DCUN1D4: variants seen among roughly 807,000 people sequenced by gnomAD.
The protein encoded by DCUN1D4 is defective in cullin neddylation 1 domain containing 4.
DCUN1D4 carries 22 observed loss-of-function variants against 47.9 expected under a neutral mutation model. The ratio of observed to expected loss-of-function variants is 0.46; its 90% CI spans 0.33 to 0.66. The LOEUF (loss-of-function observed/expected upper bound fraction) is 0.66, where lower values mean the gene tolerates loss of function less well. Ranked by LOEUF, DCUN1D4 falls within the 30% of genes least tolerant of loss-of-function variation. The probability of loss-of-function intolerance (pLI) is 0.02; values close to 1 mark genes in which losing one functional copy is unlikely to be tolerated. For synonymous variants in DCUN1D4, 121 were observed against 112.2 expected (o/e 1.08, Z -0.50); for missense variants, 301 against 340.8 (o/e 0.88, Z 0.92).
intron 6 of DCUN1D4, among the ~76,000 whole-genome samples, chr4:51,890,092 C>A (rs912738970): frequency 1.3e-5 from 2 of 152,058 alleles, no homozygotes; most frequent in Non-Finnish European, 2.9e-5. Flanking sequence ...CTTAACTCCC[C>A]TGCATGTAAA....
Position 51,870,891 on chromosome 4 carries a change from C to A in DCUN1D4, c.137-3380C>A, listed in dbSNP as rs76255204. Among the ~76,000 whole-genome samples, 431 of 150,982 alleles carry A rather than the reference C, an allele frequency of 2.9e-3. 2 individuals are homozygous for A. The highest frequency in any genetic ancestry group is 0.01 in the African/African-American group (419 of 41,186). ...TTAAAAAGTTGTTTTTTTTTTGTAG[C>A]CTGAATGGGTTCCAGGGTGGCTCTG... On this transcript the variant is annotated intron_variant, in intron 3 of 10. Coordinates refer to ENST00000334635, the MANE Select transcript of DCUN1D4 (RefSeq NM_001040402.3).
intron 5 of DCUN1D4, among the ~76,000 whole-genome samples, chr4:51,878,779 C>G (rs1364863680): frequency 6.6e-6 from 1 of 152,194 alleles, no homozygotes; most frequent in African/African-American, 2.4e-5. Flanking sequence ...ACCTTAGTAG[C>G]CTTTTCTGTA....
intron 9 of DCUN1D4, among the ~76,000 whole-genome samples, chr4:51,912,704 G>A (rs1429955610): frequency 2.0e-5 from 3 of 152,134 alleles, no homozygotes; most frequent in Non-Finnish European, 4.4e-5. Flanking sequence ...GATCAGATTC[G>A]AGTTTTGAAT....
chr4:51,896,214 A>G (rs1731238354), intron 7 of DCUN1D4, among the ~76,000 whole-genome samples: 2 of 152,244 alleles, frequency 1.3e-5, no homozygotes, highest in Admixed American at 6.5e-5. Flanking sequence ...CCTGCATTTC[A>G]GACAGGATCT....
intron 1 of DCUN1D4, among the ~76,000 whole-genome samples, chr4:51,848,606 T>C (rs989027368): frequency 6.6e-6 from 1 of 152,248 alleles, no homozygotes; most frequent in Non-Finnish European, 1.5e-5. Context: ...TTTTTTCTTT[T>C]GAAATTTACA....
At chr4:51,910,577 C>A (rs1028188811) in intron 8 of DCUN1D4, among the ~76,000 whole-genome samples, 1 of 152,084 alleles carries the variant, frequency 6.6e-6, no homozygotes, top group African/African-American at 2.4e-5. Context: ...TCAATTCCAG[C>A]ATGTTTAGGT....
At chr4:51,840,287 A>C (rs1312448858), upstream of DCUN1D4, among the ~76,000 whole-genome samples, 5 of 152,226 alleles carry the variant, frequency 3.3e-5, no homozygotes, top group African/African-American at 9.6e-5. Flanking sequence ...GTATTGATTT[A>C]CATATTGAAA....
chr4:51,856,442 T>G (rs1245044303), intron 1 of DCUN1D4, among the ~76,000 whole-genome samples: 1 of 152,232 alleles, frequency 6.6e-6, no homozygotes, highest in Non-Finnish European at 1.5e-5. Context: ...TTGTTTTAGA[T>G]TCAGCCAGTT....
the DCUN1D4 span, among the ~76,000 whole-genome samples, chr4:51,834,061 TCTCTCTCTCTCTCTCTCTCTCTC>T: frequency 2.0e-4 from 28 of 140,344 alleles, no homozygotes; most frequent in Non-Finnish European, 2.1e-4. Context: ...TCTCTCTCTC[TCTCTCTCTCTCTCTCTCTCTCTC>T]TCTTTTCTTT....
chr4:51,863,539 A>G, intron 2 of DCUN1D4, 32 bp downstream of exon 2: 1 of 1,590,706 alleles, frequency 6.3e-7, no homozygotes, highest in Non-Finnish European at 8.6e-7. Flanking sequence ...AAAATTACCA[A>G]CTGTTTGAAG....
intron 1 of DCUN1D4, chr4:51,860,589 T>C (rs531562559): frequency 9.7e-5 from 44 of 455,022 alleles, no homozygotes; most frequent in South Asian, 6.8e-4. Context: ...TTCTAGAGAG[T>C]CTTACAATCG....
intron 8 of DCUN1D4, among the ~76,000 whole-genome samples, chr4:51,902,294 A>G (rs1251630080): frequency 6.6e-6 from 1 of 152,204 alleles, no homozygotes; most frequent in African/African-American, 2.4e-5. Flanking sequence ...AAGTTAGCTG[A>G]TAGTGTCTTT....
In DCUN1D4 at chr4:51,914,387, C is replaced by T. The variant is rs926356467; in HGVS notation, c.*803C>T. ...TCTCTTTTTTTCCTTTTGCATTCTT[C>T]TAGCCAGTGATTGATCTGCTAATGC... On this transcript the variant is annotated 3_prime_UTR_variant, in exon 11 of 11. Transcript: ENST00000334635. The T allele has an allele frequency of 6.6e-6, 1 of 152,174 alleles. No individual in the cohort carries two copies. The highest frequency in any genetic ancestry group is 2.4e-5 in the African/African-American group (1 of 41,412). The allele number at this position is 152,174 out of a possible 1,614,324, so 9.4% of individuals were successfully genotyped here.
At chr4:51,834,091 C>CTTTTTTTTTTT in the DCUN1D4 span, among the ~76,000 whole-genome samples, 1 of 49,526 alleles carries the variant, frequency 2.0e-5, no homozygotes. Context: ...TCTCTCTTTT[C>CTTTTTTTTTTT]TTTTCTTCTT....
intron 3 of DCUN1D4, among the ~76,000 whole-genome samples, chr4:51,873,389 G>A (rs1727202374): frequency 6.6e-6 from 1 of 152,170 alleles, no homozygotes; most frequent in African/African-American, 2.4e-5. Flanking sequence ...ACCAAGGTGG[G>A]GTATTTTAAT....
At chr4:51,842,736 T>G (rs1721798012), upstream of DCUN1D4, among the ~76,000 whole-genome samples, 1 of 152,090 alleles carries the variant, frequency 6.6e-6, no homozygotes, top group Non-Finnish European at 1.5e-5. Flanking sequence ...TGCGCTGCGC[T>G]GCTCTATTCT....
Position 51,913,732 on chromosome 4 carries a change from C to G in DCUN1D4, c.*148C>G. 1 of 688,764 alleles carries G rather than the reference C, an allele frequency of 1.5e-6. No homozygotes were observed. The highest frequency in any genetic ancestry group is 2.1e-5 in the South Asian group (1 of 48,684). The allele number at this position is 688,764 out of a possible 1,614,324, so 42.7% of individuals were successfully genotyped here. ...ATGTTGGTGTTTGCTATTGAATTGGCCAGCTCTGCTTGCTGTGTGGCATTG... is the reference window on the plus strand; with the variant it reads ...ATGTTGGTGTTTGCTATTGAATTGGGCAGCTCTGCTTGCTGTGTGGCATTG... On this transcript the variant is annotated 3_prime_UTR_variant, in exon 11 of 11. Coordinates refer to ENST00000334635, the MANE Select transcript of DCUN1D4 (RefSeq NM_001040402.3).
chr4:51,853,728 G>A (rs889291990), intron 1 of DCUN1D4, among the ~76,000 whole-genome samples: 1 of 152,226 alleles, frequency 6.6e-6, no homozygotes, highest in Non-Finnish European at 1.5e-5. Context: ...CTTCTTAGGT[G>A]ATTCCACTGT....
chr4:51,889,735 G>A (rs918981933), intron 6 of DCUN1D4, among the ~76,000 whole-genome samples: 4 of 152,270 alleles, frequency 2.6e-5, no homozygotes, highest in African/African-American at 9.6e-5. Context: ...ATATACAAGA[G>A]TCAGAATTCC....
Sources: allele counts gnomAD v4.1 joint callset (sites outside exome capture counted in the v4.1 genomes callset), GRCh38; gene constraint gnomAD v4.1.1; transcripts MANE v1.5; gene names NCBI Gene and HGNC (gene_info 2026-07-23, HGNC 2026-07-21).